Variants in RASA1 observed in about 807,000 individuals in gnomAD.
The protein encoded by RASA1 is ras GTPase-activating protein 1.
A neutral mutation model predicts 132.2 loss-of-function variants in RASA1; 25 were observed. The ratio of observed to expected loss-of-function variants is 0.19; its 90% CI spans 0.14 to 0.26. The LOEUF (loss-of-function observed/expected upper bound fraction) is 0.26, where lower values mean the gene tolerates loss of function less well. RASA1 is among the 10% of genes least tolerant of loss of function. The pLI is 1.00. For missense variants in RASA1, 964 were observed against 1,299.2 expected, an observed-to-expected ratio of 0.74 and a Z score of 3.97; for synonymous variants, 477 against 449.9, an observed-to-expected ratio of 1.06 and a Z score of -0.76.
At chr5:87,329,281 C>CA (rs571157213) in intron 1 of RASA1, among the ~76,000 whole-genome samples, 336 of 119,116 alleles carry the variant, frequency 2.8e-3, no homozygotes, top group South Asian at 9.6e-3. Context: ...TCTGTCTCTC[C>CA]AAAAAAAAAA....
At chr5:87,280,989 A>T (rs1422707504) in intron 1 of RASA1, among the ~76,000 whole-genome samples, 1 of 151,144 alleles carries the variant, frequency 6.6e-6, no homozygotes, top group Non-Finnish European at 1.5e-5. Flanking sequence ...TTGTTTACCC[A>T]GTTATCCACT....
intron 1 of RASA1, chr5:87,299,697 A>G (rs1357270702): frequency 1.3e-5 from 2 of 152,110 alleles, no homozygotes; most frequent in African/African-American, 4.8e-5. Context: ...AAAAATATGG[A>G]ATGCTTCACA....
intron 1 of RASA1, 71 bp from the exon 2 acceptor site, chr5:87,331,277 G>T (rs1189447873): frequency 1.4e-6 from 2 of 1,459,522 alleles, no homozygotes; most frequent in Non-Finnish European, 1.9e-6. Flanking sequence ...CTAGTAGTAT[G>T]TTTTTCAAGT....
intron 4 of RASA1, 69 bp from the exon 5 acceptor site, chr5:87,337,905 G>T: frequency 6.9e-7 from 1 of 1,452,142 alleles, no homozygotes; most frequent in Non-Finnish European, 9.3e-7. Context: ...CTATTTTGTG[G>T]TATATGACTA....
chr5:87,374,536 TAACA>T (rs1281873645), intron 14 of RASA1, among the ~76,000 whole-genome samples: 2 of 150,718 alleles, frequency 1.3e-5, no homozygotes, highest in Non-Finnish European at 3.0e-5. Context: ...ACTTAGTTAT[TAACA>T]TGAATTAGCA....
At chr5:87,370,593 T>A (rs1274887349) in intron 12 of RASA1, among the ~76,000 whole-genome samples, 2 of 152,138 alleles carry the variant, frequency 1.3e-5, no homozygotes, top group African/African-American at 4.8e-5. Context: ...GCACAGGAGT[T>A]TGAGTTACAG....
intron 23 of RASA1, among the ~76,000 whole-genome samples, chr5:87,388,485 C>T (rs1460866591): frequency 6.6e-6 from 1 of 152,082 alleles, no homozygotes; most frequent in Non-Finnish European, 1.5e-5. Flanking sequence ...GGAAAATCTC[C>T]AATTTTGGAT....
chr5:87,390,816 T>G lies in RASA1; in HGVS notation c.3077T>G (p.Leu1026Arg). Residue 1026 changes from leucine to arginine, a missense_variant, in exon 25 of 25, where the codon CTT (leucine) becomes CGT (arginine). Transcript: ENST00000274376. ...RGAQQHVLKK[L>R]LAITELLQQK... is the part of the protein sequence containing the mutation. The stretch of plus-strand genomic sequence containing the variant: ...TCTGTCTAGCACGTATTGAAAAAGC[T>G]TCTGGCTATAACAGAACTGCTTCAA... 1 of 1,613,132 alleles carries G rather than the reference T, an allele frequency of 6.2e-7. No homozygotes were observed. The highest frequency in any genetic ancestry group is 8.5e-7 in the Non-Finnish European group (1 of 1,179,112).
At chr5:87,340,436 T>C (rs1758352764) in intron 5 of RASA1, among the ~76,000 whole-genome samples, 1 of 152,054 alleles carries the variant, frequency 6.6e-6, no homozygotes, top group Non-Finnish European at 1.5e-5. Context: ...TTTTTAAGCC[T>C]ACTCCCTTGG....
At chr5:87,317,501 CTG>C (rs767530852) in intron 1 of RASA1, among the ~76,000 whole-genome samples, 81 of 151,932 alleles carry the variant, frequency 5.3e-4, no homozygotes, top group Middle Eastern at 6.8e-3. Context: ...CTACTTTTTA[CTG>C]TGAGGCAACT....
chr5:87,387,919 T>C (rs1762176634), intron 23 of RASA1, among the ~76,000 whole-genome samples: 1 of 152,178 alleles, frequency 6.6e-6, no homozygotes, highest in African/African-American at 2.4e-5. Flanking sequence ...TGAGAAGTTA[T>C]GCCACACAAT....
chr5:87,351,980 A>C (rs1406223933), intron 8 of RASA1, among the ~76,000 whole-genome samples: 1 of 151,854 alleles, frequency 6.6e-6, no homozygotes, highest in Admixed American at 6.6e-5. Context: ...TTTGCTTTAA[A>C]ACACATAGTC....
At chr5:87,386,765 C>T in intron 22 of RASA1, 61 bp from the exon 23 acceptor site, 1 of 1,447,382 alleles carries the variant, frequency 6.9e-7, no homozygotes, top group East Asian at 2.3e-5. Context: ...TTTGCACCAA[C>T]CTAATAGATC....
At chr5:87,327,998 A>G (rs893612238) in intron 1 of RASA1, among the ~76,000 whole-genome samples, 1 of 151,604 alleles carries the variant, frequency 6.6e-6, no homozygotes, top group Non-Finnish European at 1.5e-5. Context: ...AGAACTTCCT[A>G]TGTGGACGTT....
At chr5:87,340,178 A>G (rs1198019297) in intron 5 of RASA1, among the ~76,000 whole-genome samples, 1 of 152,062 alleles carries the variant, frequency 6.6e-6, no homozygotes, top group Non-Finnish European at 1.5e-5. Flanking sequence ...GCCCTGATAG[A>G]TTGCCTTGTA....
chr5:87,307,971 A>C (rs1755698562), intron 1 of RASA1, among the ~76,000 whole-genome samples: 1 of 152,176 alleles, frequency 6.6e-6, no homozygotes, highest in Admixed American at 6.5e-5. Context: ...CCTTAATCAC[A>C]AAACTTTTGA....
chr5:87,296,990 A>G (rs1268136236), intron 1 of RASA1, among the ~76,000 whole-genome samples: 2 of 150,772 alleles, frequency 1.3e-5, no homozygotes, highest in Non-Finnish European at 3.0e-5. Flanking sequence ...TCAGTTTTGG[A>G]AGTAGTTTCT....
chr5:87,384,120 A>G (rs1232157460), intron 21 of RASA1, among the ~76,000 whole-genome samples: 1 of 152,148 alleles, frequency 6.6e-6, no homozygotes, highest in Non-Finnish European at 1.5e-5. Flanking sequence ...TGCTTAGCCC[A>G]TTGCTAGACT....
chr5:87,370,007 T>A, intron 12 of RASA1, 107 bp downstream of exon 12: 6 of 927,436 alleles, frequency 6.5e-6, no homozygotes, highest in Middle Eastern at 2.2e-4. Context: ...ACAGAACGCC[T>A]GAAATCTAAT....
Sources: gnomAD v4.1 joint callset for allele counts (sites outside exome capture counted in the v4.1 genomes callset) on GRCh38, gnomAD v4.1.1 for gene constraint, MANE v1.5 for transcripts, NCBI Gene and HGNC (gene_info 2026-07-23, HGNC 2026-07-21) for gene names.